The following DICER1 variants were observed in gnomAD, a reference collection of about 807,000 sequenced individuals.
The protein encoded by DICER1 is dicer 1, ribonuclease III.
Under a neutral mutation model 194.1 loss-of-function variants are expected in DICER1, and 43 were observed. The ratio of observed to expected loss-of-function variants is 0.22; its 90% CI spans 0.17 to 0.29. The LOEUF (loss-of-function observed/expected upper bound fraction) is 0.29, where lower values mean the gene tolerates loss of function less well. Ranked by LOEUF, DICER1 falls within the 10% of genes least tolerant of loss-of-function variation. The pLI, the probability that DICER1 is intolerant of heterozygous loss-of-function variation, is 1.00. For synonymous variants in DICER1, 832 were observed against 820.5 expected, an observed-to-expected ratio of 1.01 and a Z score of -0.24; for missense variants, 1,608 against 2,317.0, an observed-to-expected ratio of 0.69 and a Z score of 6.28.
At chr14:95,146,630 G>A (rs1432291594) in intron 1 of DICER1, among the ~76,000 whole-genome samples, 4 of 152,180 alleles carry the variant, frequency 2.6e-5, no homozygotes, top group Admixed American at 6.5e-5. Context: ...ACCGCCAAAC[G>A]TGGGTATGAG....
intron 17 of DICER1, among the ~76,000 whole-genome samples, chr14:95,107,341 C>T (rs1891517569): frequency 6.6e-6 from 1 of 151,638 alleles, no homozygotes; most frequent in Non-Finnish European, 1.5e-5. Context: ...ATCTCCGCCT[C>T]CTAGCTTGAA....
intron 1 of DICER1, among the ~76,000 whole-genome samples, chr14:95,154,866 CAAAA>C (rs77879997): frequency 1.1e-4 from 7 of 65,704 alleles, no homozygotes; most frequent in Non-Finnish European, 1.8e-4. Flanking sequence ...TTTACCATGC[CAAAA>C]AAAAAAAAAA....
At chr14:95,117,505 A>G in intron 9 of DICER1, 117 bp downstream of exon 9, 2 of 1,109,842 alleles carry the variant, frequency 1.8e-6, no homozygotes, top group Non-Finnish European at 1.4e-6. Context: ...GAAGTATTCT[A>G]TAATACAAAA....
chr14:95,112,083 C>T, intron 13 of DICER1, 89 bp downstream of exon 13: 2 of 1,135,300 alleles, frequency 1.8e-6, no homozygotes, highest in Non-Finnish European at 2.7e-6. Context: ...CTACAAAATC[C>T]TTACAGATCT....
chr14:95,103,231 G>A lies in DICER1; in HGVS notation c.4050+115C>T, dbSNP rs1891049902. The A allele has an allele frequency of 6.9e-5, 82 of 1,186,426 alleles. 2 individuals carry two copies. The South Asian group carries it at 9.8e-4, about 14-fold the overall frequency. 73.5% of individuals were successfully genotyped at this position (1,186,426 alleles called of 1,614,324 possible). A position where few individuals can be genotyped will look rare whatever the true frequency, so the allele number is the denominator to read the frequency against. On this transcript the variant is annotated intron_variant, in intron 21 of 26. Transcript: ENST00000343455. Reference sequence around the variant, plus strand: ...ACAAGGGAGCAGCTGTGCTTGGCCGGTGTAGCAATTTCTGAGCATGATACG... The same window carrying A: ...ACAAGGGAGCAGCTGTGCTTGGCCGATGTAGCAATTTCTGAGCATGATACG...
In DICER1 at chr14:95,090,531, G is replaced by C. The variant is rs995276380; in HGVS notation, c.5736C>G (p.Leu1912=). Residue 1912 remains leucine (L), a synonymous_variant, in exon 27 of 27, where the codon CTC becomes CTG. Coordinates refer to ENST00000343455, the MANE Select transcript of DICER1 (RefSeq NM_177438.3). The part of the protein sequence containing the change: ...SAAARRALRS[L]KANQPQVPNS ...TGGGAACCTGAGGTTGATTAGCTTT[G>C]AGGCTTCGGAGGGCTCTTCTTGCTG... 6 of 1,613,892 alleles carry C rather than the reference G, an allele frequency of 3.7e-6. No homozygotes were observed. The highest frequency in any genetic ancestry group is 5.1e-6 in the Non-Finnish European group (6 of 1,180,018).
rs753582860 is a variant in DICER1 at position 95,096,517 on chromosome 14, G to A, written c.4403C>T (p.Ser1468Phe). Reference protein sequence around the residue: ...MGSGAFVKKISLSPFSTTDSA... With the variant: ...MGSGAFVKKIFLSPFSTTDSA... ...ATCAGTGGTTGAAAAAGGAGAAAGAGAGATTTTCTTTACAAAAGCTCCTGA... is the reference window on the plus strand; with the variant it reads ...ATCAGTGGTTGAAAAAGGAGAAAGAAAGATTTTCTTTACAAAAGCTCCTGA... The change falls in exon 23 of 27, where the codon TCT becomes TTT. Residue 1468 changes from serine to phenylalanine, a missense_variant. By Grantham distance (155) the Ser-to-Phe change is radical. Transcript: ENST00000343455. 2 of 1,614,030 alleles carry A rather than the reference G, an allele frequency of 1.2e-6. No individual in the cohort carries two copies. The highest frequency in any genetic ancestry group is 3.3e-5 in the Admixed American group (2 of 60,010).
In DICER1 at chr14:95,097,037, G is replaced by A. The variant is rs549137807; in HGVS notation, c.4207-324C>T. Among the ~76,000 whole-genome samples the A allele has an allele frequency of 3.3e-4, 49 of 150,440 alleles. 1 individual carries two copies. In the South Asian group the frequency reaches 9.9e-3, roughly 30 times the overall value. ...CACAATGCAAAACTTCAACTAAGTC[G>A]TCTAACTCTGGTAGGACACACAATG... On this transcript the variant is annotated intron_variant, in intron 22 of 26. Coordinates refer to ENST00000343455, the MANE Select transcript of DICER1 (RefSeq NM_177438.3).
At chr14:95,100,009 T>G (rs1368594308) in intron 21 of DICER1, 74 bp from the exon 22 acceptor site, 6 of 1,513,034 alleles carry the variant, frequency 4.0e-6, no homozygotes, top group Non-Finnish European at 5.5e-6. Context: ...TATTAACATA[T>G]CCTCAGTTAA....
chr14:95,156,574 C>T (rs1895882880), intron 1 of DICER1, among the ~76,000 whole-genome samples: 1 of 152,250 alleles, frequency 6.6e-6, no homozygotes, highest in African/African-American at 2.4e-5. Context: ...TAACTTAAAA[C>T]ATACACTGAT....
intron 15 of DICER1, 55 bp downstream of exon 15, chr14:95,108,269 T>C: frequency 1.3e-6 from 2 of 1,560,974 alleles, no homozygotes; most frequent in South Asian, 2.2e-5. Context: ...TTTTTTTTTT[T>C]TCCTTTTCCT....
At chr14:95,145,790 GT>G (rs1009079322) in intron 1 of DICER1, among the ~76,000 whole-genome samples, 8 of 148,042 alleles carry the variant, frequency 5.4e-5, no homozygotes, top group Admixed American at 2.7e-4. Flanking sequence ...TTTTTAAAAA[GT>G]TTTTTTTTTA....
upstream of DICER1, chr14:95,157,576 G>A (rs1049767824): frequency 1.3e-5 from 2 of 152,540 alleles, no homozygotes; most frequent in African/African-American, 4.8e-5. Context: ...CTCGCCCCGT[G>A]GCGGCATGAG....
At position 95,107,861 on chromosome 14, in the gene DICER1, TAAG is replaced by T. The variant is rs1320114539; in HGVS notation, c.2650+16_2650+18del. 5 of 1,610,384 alleles carry T rather than the reference TAAG, an allele frequency of 3.1e-6. No homozygotes were observed. In the East Asian group the frequency reaches 6.7e-5, roughly 22 times the overall value. ...GTATATGTGTCTAGAGTTATCAAAGTAAGAGATTTTTTTCTTACCAACATTAAG... is the reference window on the plus strand; with the variant it reads ...GTATATGTGTCTAGAGTTATCAAAGTAGATTTTTTTCTTACCAACATTAAG... On this transcript the variant is annotated intron_variant, in intron 16 of 26. Coordinates refer to ENST00000343455, the MANE Select transcript of DICER1 (RefSeq NM_177438.3).
intron 1 of DICER1, among the ~76,000 whole-genome samples, chr14:95,149,075 T>G (rs1895335882): frequency 6.6e-6 from 1 of 152,126 alleles, no homozygotes; most frequent in South Asian, 2.1e-4. Context: ...AGGCACATAC[T>G]TTACTCTTAA....
chr14:95,129,313 G>T, intron 6 of DICER1, 159 bp downstream of exon 6: 1 of 650,530 alleles, frequency 1.5e-6, no homozygotes, highest in South Asian at 1.9e-5. Context: ...GAACTCACAG[G>T]TAATGGTACT....
intron 16 of DICER1, 30 bp from the exon 17 acceptor site, chr14:95,107,791 G>T: frequency 6.2e-7 from 1 of 1,612,502 alleles, no homozygotes; most frequent in South Asian, 1.1e-5. Context: ...TCTTTAGCTT[G>T]TTAAAACATG....
chr14:95,126,696 T>C lies in DICER1; in HGVS notation c.787A>G (p.Arg263Gly). 1 of 1,609,552 alleles carries C rather than the reference T, an allele frequency of 6.2e-7. No individual in the cohort carries two copies. The highest frequency in any genetic ancestry group is 1.1e-5 in the South Asian group (1 of 90,980). ...AGCAGTCTTTCATAAAGCCCACTTC[T>C]GTCAGTAAATGGTCCACAATCCACC... ...IVVDCGPFTD[R>G]SGLYERLLME... Residue 263 changes from arginine to glycine, a missense_variant, in exon 7 of 27, where the codon AGA (arginine) becomes GGA (glycine). Around this residue, in one of 10 missense-constraint regions of DICER1, gnomAD observed 657 missense variants for 910.1 expected, o/e 0.72. Coordinates refer to ENST00000343455, the MANE Select transcript of DICER1 (RefSeq NM_177438.3).
chr14:95,097,769 T>C (rs1202538724), intron 22 of DICER1, among the ~76,000 whole-genome samples: 6 of 152,196 alleles, frequency 3.9e-5, no homozygotes, highest in African/African-American at 1.4e-4. Flanking sequence ...AGACTCAAGA[T>C]ATAAACACTA....
Sources: gnomAD v4.1 joint callset for allele counts (sites outside exome capture counted in the v4.1 genomes callset) on GRCh38, gnomAD v4.1.1 for gene constraint, gnomAD v4.1.1 regional missense constraint, MANE v1.5 for transcripts, NCBI Gene and HGNC (gene_info 2026-07-23, HGNC 2026-07-21) for gene names.